The following PTPRC variants were observed in gnomAD, a reference collection of about 807,000 sequenced individuals.
PTPRC encodes protein tyrosine phosphatase receptor type C, also known as receptor-type tyrosine-protein phosphatase C.
PTPRC carries 44 observed loss-of-function variants against 155.9 expected under a neutral mutation model. That is an observed-to-expected ratio of 0.28 (90% CI 0.22 to 0.36). The LOEUF is 0.36. Among genes scored for constraint, PTPRC ranks in the 10% least tolerant of loss-of-function variants. The pLI is 1.00. For synonymous variants in PTPRC, 525 were observed against 533.1 expected, an observed-to-expected ratio of 0.98 and a Z score of 0.21; for missense variants, 1,401 against 1,564.6, an observed-to-expected ratio of 0.90 and a Z score of 1.76.
chr1:198,725,767 T>C (rs916401018), intron 15 of PTPRC, among the ~76,000 whole-genome samples: 1 of 152,212 alleles, frequency 6.6e-6, no homozygotes, highest in South Asian at 2.1e-4. Context: ...GACTTCCATG[T>C]TCTGACCCAT....
chr1:198,694,779 C>T, intron 3 of PTPRC: 1 of 948,692 alleles, frequency 1.1e-6, no homozygotes, highest in Non-Finnish European at 1.3e-6. Flanking sequence ...TTTTCTTTTC[C>T]TTTCTTTTCT....
rs113778047 is a variant in PTPRC, at chr1:198,653,388, A to G, written c.73+14047A>G. 6.3e-3 allele frequency among the ~76,000 whole-genome samples: 957 copies of G among 152,018 alleles called. 7 individuals are homozygous for G. Among genetic ancestry groups the G allele is most frequent in the South Asian group, 0.012 (56 of 4,834 alleles). On this transcript the variant is annotated intron_variant, in intron 2 of 32. Transcript: ENST00000442510. ...TAGAAATTTTGTTACCACTACTATG[A>G]TTAGTTTCTCATTTGGTTTTTCACT... is the stretch of plus-strand genomic sequence containing the variant.
chr1:198,657,061 T>TAC (rs1271451224), intron 2 of PTPRC, among the ~76,000 whole-genome samples: 4 of 151,030 alleles, frequency 2.6e-5, no homozygotes, highest in Admixed American at 6.6e-5. Context: ...TAAATATATA[T>TAC]ATACACACAC....
chr1:198,729,225 T>C (rs545844393), intron 17 of PTPRC, 54 bp downstream of exon 17: 3 of 1,512,068 alleles, frequency 2.0e-6, no homozygotes, highest in African/African-American at 1.4e-5. Context: ...TTTGAATCCA[T>C]TCATTTTATT....
At chr1:198,664,637 C>T (rs1448671716) in intron 2 of PTPRC, among the ~76,000 whole-genome samples, 1 of 152,060 alleles carries the variant, frequency 6.6e-6, no homozygotes, top group Non-Finnish European at 1.5e-5. Context: ...AAACTCTAAC[C>T]GAAATATACC....
intron 2 of PTPRC, among the ~76,000 whole-genome samples, chr1:198,681,900 A>G (rs749685428): frequency 2.6e-5 from 4 of 152,340 alleles, no homozygotes; most frequent in Middle Eastern, 3.4e-3. Context: ...GGCAGCTTCA[A>G]CGTCAACTAG....
chr1:198,684,277 A>G (rs1454035547), intron 2 of PTPRC, among the ~76,000 whole-genome samples: 1 of 151,726 alleles, frequency 6.6e-6, no homozygotes, highest in East Asian at 1.9e-4. Context: ...AACCAAATAT[A>G]AAATACCTAC....
At chr1:198,696,983 T>C in intron 4 of PTPRC, 74 bp downstream of exon 4, 3 of 1,330,246 alleles carry the variant, frequency 2.3e-6, no homozygotes, top group East Asian at 2.3e-5. Flanking sequence ...TCAGTACAAC[T>C]TGTCTTTAAA....
Position 198,744,109 on chromosome 1 carries a change from C to G in PTPRC, c.2753C>G (p.Thr918Arg). Residue 918 changes from threonine (T) to arginine (R), a missense_variant, in exon 26 of 33, where the codon ACA becomes AGA. By Grantham distance (71) the Thr-to-Arg change is moderately conservative. Transcript: ENST00000442510. Reference sequence around the variant, plus strand: ...GTGGAATACAATCAGTTTGGAGAAACAGAAGTGAATTTGTCTGAATTACAT... The same window carrying G: ...GTGGAATACAATCAGTTTGGAGAAAGAGAAGTGAATTTGTCTGAATTACAT... ...ALVEYNQFGE[T>R]EVNLSELHPY... The G allele has an allele frequency of 6.2e-7, 1 of 1,605,682 alleles. No individual in the cohort carries two copies. The highest frequency in any genetic ancestry group is 1.1e-5 in the South Asian group (1 of 90,896).
At chr1:198,717,557 T>C (rs1259825390) in intron 13 of PTPRC, among the ~76,000 whole-genome samples, 3 of 152,226 alleles carry the variant, frequency 2.0e-5, no homozygotes, top group Non-Finnish European at 2.9e-5. Context: ...AAGACACTTT[T>C]AAGGTCATTT....
intron 3 of PTPRC, among the ~76,000 whole-genome samples, chr1:198,696,181 T>TAG (rs1666193914): frequency 6.7e-6 from 1 of 148,372 alleles, no homozygotes; most frequent in Admixed American, 6.7e-5. Flanking sequence ...TATATATATA[T>TAG]ATATAGATAG....
In PTPRC at chr1:198,750,267, T is replaced by C. The variant is rs963537795; in HGVS notation, c.3073-225T>C. 15 of 548,144 alleles carry C rather than the reference T, an allele frequency of 2.7e-5. 1 individual carries two copies. The Admixed American group carries it at 4.7e-4, about 17-fold the overall frequency. The allele number at this position is 548,144 out of a possible 1,614,324, so 34.0% of individuals were successfully genotyped here. A position where few individuals can be genotyped will look rare whatever the true frequency, so the allele number is the denominator to read the frequency against. ...GGAAAGGAAAATTTGTTTCGCAAGA[T>C]ATGTTGTAATCTTGATTTCACATTA... On this transcript the variant is annotated intron_variant, in intron 28 of 32. Coordinates refer to ENST00000442510, the MANE Select transcript of PTPRC (RefSeq NM_002838.5).
At chr1:198,754,468 C>CT (rs1655534732) in intron 32 of PTPRC, 64 bp downstream of exon 32, 3 of 1,569,942 alleles carry the variant, frequency 1.9e-6, no homozygotes. Flanking sequence ...TGACGGTTTC[C>CT]TTTTTTCTTT....
rs77608722 is a variant in PTPRC, at chr1:198,694,502, C to T, written c.100+2129C>T. 5,239 of 1,000,730 alleles carry T rather than the reference C, an allele frequency of 5.2e-3. 201 individuals carry two copies. The African/African-American group carries it at 0.081, about 16-fold the overall frequency. 62.0% of individuals were successfully genotyped at this position (1,000,730 alleles called of 1,614,324 possible). A position where few individuals can be genotyped will look rare whatever the true frequency, so the allele number is the denominator to read the frequency against. ...ATAAGGAGAATGTTGCATGATTTTC[C>T]TTCTAGTCTGTTTGTAATTCACATC... On this transcript the variant is annotated intron_variant, in intron 3 of 32. Transcript: ENST00000442510.
intron 2 of PTPRC, among the ~76,000 whole-genome samples, chr1:198,647,857 G>A (rs1458755808): frequency 6.6e-6 from 1 of 151,924 alleles, no homozygotes; most frequent in Non-Finnish European, 1.5e-5. Flanking sequence ...CATGAAGCCC[G>A]TATTTTCTAT....
intron 3 of PTPRC, 80 bp downstream of exon 3, chr1:198,692,453 T>C (rs1665982062): frequency 1.1e-5 from 13 of 1,180,936 alleles, no homozygotes; most frequent in Non-Finnish European, 7.8e-6. Context: ...TTTTCTATTA[T>C]TAACACTGAA....
At chr1:198,710,449 A>G (rs576941356) in intron 11 of PTPRC, among the ~76,000 whole-genome samples, 47 of 152,338 alleles carry the variant, frequency 3.1e-4, no homozygotes, top group African/African-American at 1.1e-3. Flanking sequence ...TTTAGGATCA[A>G]CTTTTCAATT....
At chr1:198,699,803 C>A in intron 5 of PTPRC, 99 bp downstream of exon 5, 1 of 1,486,488 alleles carries the variant, frequency 6.7e-7, no homozygotes, top group Non-Finnish European at 9.4e-7. Flanking sequence ...ATTCAATGTG[C>A]AGCTATTGCT....
chr1:198,737,013 T>G (rs1654674355), intron 23 of PTPRC, among the ~76,000 whole-genome samples: 1 of 151,732 alleles, frequency 6.6e-6, no homozygotes, highest in East Asian at 1.9e-4. Context: ...TATTCAGATC[T>G]TTTGCCTATT....
Sources: gnomAD v4.1 joint callset for allele counts (sites outside exome capture counted in the v4.1 genomes callset) on GRCh38, gnomAD v4.1.1 for gene constraint, MANE v1.5 for transcripts, NCBI Gene and HGNC (gene_info 2026-07-23, HGNC 2026-07-21) for gene names.